Variants in NTM observed in about 807,000 individuals in gnomAD.
The protein encoded by NTM is neurotrimin, also known as IgLON family member 2.
A neutral mutation model predicts 42.1 loss-of-function variants in NTM; 13 were observed. That is an observed-to-expected ratio of 0.31 (90% CI 0.20 to 0.49). The LOEUF (loss-of-function observed/expected upper bound fraction) is 0.49. NTM is among the 20% of genes least tolerant of loss of function. The pLI is 0.99. For missense variants in NTM, 373 were observed against 452.8 expected (o/e 0.82, Z 1.60); for synonymous variants, 187 against 179.2 (o/e 1.04, Z -0.35).
intron 4 of NTM, among the ~76,000 whole-genome samples, chr11:132,251,337 T>C (rs768366162): frequency 6.6e-6 from 1 of 152,346 alleles, no homozygotes; most frequent in South Asian, 2.1e-4. Context: ...TCTTGGTTCA[T>C]GTTTTATCTT....
chr11:132,155,027 G>T (rs2072865432), intron 3 of NTM, among the ~76,000 whole-genome samples: 2 of 152,144 alleles, frequency 1.3e-5, no homozygotes, highest in South Asian at 4.2e-4. Flanking sequence ...GCTGGTGGGG[G>T]GATTAAGAAT....
At chr11:132,207,982 A>C (rs556194985) in intron 3 of NTM, among the ~76,000 whole-genome samples, 1 of 152,282 alleles carries the variant, frequency 6.6e-6, no homozygotes, top group Non-Finnish European at 1.5e-5. Context: ...ATGGTATCTT[A>C]TTTAGTTTAT....
chr11:132,239,785 G>A (rs1300792827), intron 4 of NTM, among the ~76,000 whole-genome samples: 3 of 152,138 alleles, frequency 2.0e-5, no homozygotes. Context: ...CTCTATAAGA[G>A]TAGCATAACA....
At chr11:131,596,981 G>T (rs1025245871) in intron 1 of NTM, among the ~76,000 whole-genome samples, 5 of 152,154 alleles carry the variant, frequency 3.3e-5, no homozygotes, top group African/African-American at 1.2e-4. Flanking sequence ...AAAGATGGAG[G>T]CTGGGAGGCT....
chr11:132,029,326 G>C (rs1430079827), intron 2 of NTM, among the ~76,000 whole-genome samples: 4 of 149,602 alleles, frequency 2.7e-5, no homozygotes, highest in Non-Finnish European at 4.4e-5. Flanking sequence ...ATCTCCTAAA[G>C]CTATCCCTCC....
At chr11:131,941,747 A>G (rs751899645) in intron 2 of NTM, among the ~76,000 whole-genome samples, 8 of 152,240 alleles carry the variant, frequency 5.3e-5, no homozygotes, top group Non-Finnish European at 1.0e-4. Context: ...ATTGGGTAAC[A>G]GATATTATTC....
chr11:131,990,735 G>A (rs74585290), intron 2 of NTM, among the ~76,000 whole-genome samples: 1 of 152,164 alleles, frequency 6.6e-6, no homozygotes, highest in Admixed American at 6.5e-5. Context: ...ATAAAAGCTT[G>A]CAAGTGCAAA....
At chr11:131,637,673 C>T (rs2064580685) in intron 1 of NTM, among the ~76,000 whole-genome samples, 1 of 151,896 alleles carries the variant, frequency 6.6e-6, no homozygotes. Context: ...CCGTTCCTCA[C>T]CACCAACCGT....
chr11:131,604,728 G>A (rs541618502), intron 1 of NTM, among the ~76,000 whole-genome samples: 1 of 145,134 alleles, frequency 6.9e-6, no homozygotes. Context: ...TTTTTGGGGG[G>A]AGGGGGTGGG....
intron 2 of NTM, among the ~76,000 whole-genome samples, chr11:132,042,899 G>A (rs191690722): frequency 1.8e-4 from 28 of 152,170 alleles, no homozygotes; most frequent in Non-Finnish European, 2.6e-4. Flanking sequence ...TTATATCCCT[G>A]GTTTGTAGGA....
chr11:131,716,767 A>AC (rs1307687141), intron 1 of NTM, among the ~76,000 whole-genome samples: 3 of 151,940 alleles, frequency 2.0e-5, no homozygotes, highest in Non-Finnish European at 4.4e-5. Flanking sequence ...GCATTTCTGA[A>AC]CTCTGTTTTA....
At chr11:131,420,386 G>A (rs1220086233) in intron 1 of NTM, among the ~76,000 whole-genome samples, 1 of 152,218 alleles carries the variant, frequency 6.6e-6, no homozygotes, top group Non-Finnish European at 1.5e-5. Flanking sequence ...AGAACCTGCA[G>A]GTAGAACCAG....
At chr11:132,303,257 A>G (rs1487552445) in intron 4 of NTM, among the ~76,000 whole-genome samples, 1 of 152,196 alleles carries the variant, frequency 6.6e-6, no homozygotes, top group Non-Finnish European at 1.5e-5. Context: ...ACAGTGCTGG[A>G]GGCTAGAAGT....
At chr11:131,415,518 G>A (rs1040246219) in intron 1 of NTM, among the ~76,000 whole-genome samples, 1 of 152,100 alleles carries the variant, frequency 6.6e-6, no homozygotes, top group African/African-American at 2.4e-5. Flanking sequence ...CCCTAAATCA[G>A]TTATTCAAAA....
chr11:132,315,080 A>ATT, intron 7 of NTM: 1 of 982,614 alleles, frequency 1.0e-6, no homozygotes, highest in Non-Finnish European at 1.2e-6. Flanking sequence ...ATGACATTTG[A>ATT]TTTTTTTTTT....
At chr11:131,675,377 A>C (rs1163373136) in intron 1 of NTM, among the ~76,000 whole-genome samples, 1 of 152,208 alleles carries the variant, frequency 6.6e-6, no homozygotes, top group African/African-American at 2.4e-5. Flanking sequence ...ATAATTCATT[A>C]GTATCTTACA....
intron 1 of NTM, among the ~76,000 whole-genome samples, chr11:131,882,179 T>C (rs1228385464): frequency 1.3e-5 from 2 of 152,188 alleles, no homozygotes; most frequent in Admixed American, 6.5e-5. Context: ...TGTGTATGTG[T>C]ATGTATGTGT....
chr11:131,452,976 C>T lies in NTM; in HGVS notation c.82+82088C>T, dbSNP rs143264509. On this transcript the variant is annotated intron_variant, in intron 1 of 8. Coordinates refer to ENST00000683400, the MANE Select transcript of NTM (RefSeq NM_001352005.2). Reference sequence around the variant, plus strand: ...ATGTCCTGGGTGATAAAAGCATGCACGACTCTGGTTTCTTTTTCTCTGGGG... The same window carrying T: ...ATGTCCTGGGTGATAAAAGCATGCATGACTCTGGTTTCTTTTTCTCTGGGG... Among the ~76,000 whole-genome samples the T allele has an allele frequency of 1.2e-3, 182 of 152,310 alleles. 1 individual carries two copies. Among genetic ancestry groups the T allele is most frequent in the African/African-American group, 3.8e-3 (159 of 41,556 alleles).
intron 4 of NTM, among the ~76,000 whole-genome samples, chr11:132,254,134 A>G (rs563992194): frequency 1.4e-4 from 21 of 152,116 alleles, no homozygotes; most frequent in African/African-American, 4.3e-4. Context: ...TGAGCTGCCA[A>G]GTAAAGCCGG....
Sources: allele counts gnomAD v4.1 joint callset (sites outside exome capture counted in the v4.1 genomes callset), GRCh38; gene constraint gnomAD v4.1.1; transcripts MANE v1.5; gene names NCBI Gene and HGNC (gene_info 2026-07-23, HGNC 2026-07-21).